The following MAP4 variants were observed in gnomAD, a reference collection of about 807,000 sequenced individuals.
MAP4 encodes the protein microtubule associated protein 4.
A neutral mutation model predicts 170.2 loss-of-function variants in MAP4; 76 were observed. The ratio of observed to expected loss-of-function variants is 0.45; its 90% CI spans 0.37 to 0.54. MAP4 has a LOEUF of 0.54. Among genes scored for constraint, MAP4 ranks in the 20% least tolerant of loss-of-function variants. The pLI is 0.00. For synonymous variants in MAP4, 909 were observed against 994.5 expected (o/e 0.91, Z 1.62); for missense variants, 2,506 against 2,748.0 (o/e 0.91, Z 1.97).
intron 1 of MAP4, among the ~76,000 whole-genome samples, chr3:48,028,352 A>C (rs1288023087): frequency 1.3e-5 from 2 of 152,204 alleles, no homozygotes; most frequent in African/African-American, 2.4e-5. Context: ...AAGCTATTTA[A>C]ATCAACATCA....
intron 2 of MAP4, chr3:47,987,579 T>C (rs530751149): frequency 2.0e-6 from 1 of 495,908 alleles, no homozygotes; most frequent in African/African-American, 1.9e-5. Flanking sequence ...AACTCCGGAC[T>C]CCTTATCTGT....
intron 17 of MAP4, among the ~76,000 whole-genome samples, chr3:47,859,779 G>T (rs950041943): frequency 6.6e-6 from 1 of 152,182 alleles, no homozygotes; most frequent in Non-Finnish European, 1.5e-5. Context: ...TCCCTAGATA[G>T]AAATTTTTTT....
intron 1 of MAP4, among the ~76,000 whole-genome samples, chr3:48,070,192 G>C (rs1276411358): frequency 6.6e-6 from 1 of 150,988 alleles, no homozygotes; most frequent in Non-Finnish European, 1.5e-5. Context: ...GGCCAGGATA[G>C]TCTCTTTTTT....
chr3:47,908,450 C>A (rs141414605), intron 9 of MAP4, among the ~76,000 whole-genome samples: 14 of 152,134 alleles, frequency 9.2e-5, no homozygotes, highest in African/African-American at 3.4e-4. Context: ...GTATCTGTAT[C>A]ATTGAGAGAT....
At position 47,851,076 on chromosome 3, in the gene MAP4, GTC is replaced by G. The variant is rs1269854988; in HGVS notation, c.*1856_*1857del. 1 of 152,278 alleles carries G rather than the reference GTC, an allele frequency of 6.6e-6. No individual in the cohort carries two copies. The highest frequency in any genetic ancestry group is 1.5e-5 in the Non-Finnish European group (1 of 68,112). 9.4% of individuals were successfully genotyped at this position (152,278 alleles called of 1,614,324 possible). ...GGGCCTGTGCTGTTGCCCCTGAGGTGTCTCCTGACTACGCAACCCTGTTTCCT... is the reference window on the plus strand; with the variant it reads ...GGGCCTGTGCTGTTGCCCCTGAGGTGTCCTGACTACGCAACCCTGTTTCCT... On this transcript the variant is annotated 3_prime_UTR_variant, in exon 21 of 21. Coordinates refer to ENST00000683076, the MANE Select transcript of MAP4 (RefSeq NM_001385682.1).
chr3:47,912,354 C>T lies in MAP4; in HGVS notation c.2067G>A (p.Arg689=). 6.5e-7 allele frequency: 1 copy of T among 1,535,512 alleles called. No individual in the cohort carries two copies. Among genetic ancestry groups the T allele is most frequent in the Non-Finnish European group, 8.7e-7 (1 of 1,146,454 alleles). The part of the protein sequence containing the change: ...AKQVCRPSDR[R]STRPKPARVP... ...CCCTGGCAGGCTTGGGCCGGGTTGA[C>T]CTGCGGTCACTGGGTCTGCAAACTT... The change falls in exon 9 of 21, where the codon AGG becomes AGA. Residue 689 remains arginine (R), a synonymous_variant. Coordinates refer to ENST00000683076, the MANE Select transcript of MAP4 (RefSeq NM_001385682.1).
chr3:47,874,925 G>C (rs2094786101), intron 12 of MAP4, among the ~76,000 whole-genome samples: 1 of 150,948 alleles, frequency 6.6e-6, no homozygotes, highest in Admixed American at 6.6e-5. Context: ...CTGACCTAAA[G>C]GCCCTTCTCA....
intron 3 of MAP4, among the ~76,000 whole-genome samples, chr3:47,952,392 A>G (rs2100064896): frequency 1.3e-5 from 2 of 152,200 alleles, no homozygotes; most frequent in Non-Finnish European, 2.9e-5. Context: ...AGGTGTACCC[A>G]ACAGCTCATT....
At chr3:48,082,660 T>C (rs2100147179) in intron 1 of MAP4, among the ~76,000 whole-genome samples, 1 of 151,928 alleles carries the variant, frequency 6.6e-6, no homozygotes, top group South Asian at 2.1e-4. Context: ...AAATTAGGTG[T>C]GGTGGCACGT....
chr3:48,087,815 G>A (rs751215556), intron 1 of MAP4, among the ~76,000 whole-genome samples: 6 of 152,056 alleles, frequency 3.9e-5, no homozygotes, highest in Non-Finnish European at 4.4e-5. Flanking sequence ...ACCAGGGAGA[G>A]AGAATCGAGA....
intron 19 of MAP4, among the ~76,000 whole-genome samples, chr3:47,854,862 T>C (rs1042098314): frequency 1.3e-5 from 2 of 152,178 alleles, no homozygotes; most frequent in Non-Finnish European, 2.9e-5. Flanking sequence ...GAGCCTGACA[T>C]GGGGCGGGAA....
upstream of MAP4, among the ~76,000 whole-genome samples, chr3:48,020,868 T>C (rs1270411420): frequency 1.3e-5 from 2 of 151,570 alleles, no homozygotes; most frequent in Non-Finnish European, 2.9e-5. Flanking sequence ...GTGTGCTCAT[T>C]GTACACTACA....
At chr3:47,945,735 T>C (rs1332011613) in intron 3 of MAP4, among the ~76,000 whole-genome samples, 1 of 151,912 alleles carries the variant, frequency 6.6e-6, no homozygotes, top group African/African-American at 2.4e-5. Context: ...TTTTATTTTT[T>C]TGGAGGCAGG....
intron 4 of MAP4, among the ~76,000 whole-genome samples, chr3:47,925,708 G>A (rs958059632): frequency 6.6e-6 from 1 of 152,166 alleles, no homozygotes; most frequent in Non-Finnish European, 1.5e-5. Context: ...ATTGGTAGTT[G>A]CTTAGGGTTG....
chr3:47,947,550 T>C (rs552184381), intron 3 of MAP4, among the ~76,000 whole-genome samples: 1 of 152,246 alleles, frequency 6.6e-6, no homozygotes, highest in Non-Finnish European at 1.5e-5. Flanking sequence ...TGGTGGCTCA[T>C]GCCTGTAATC....
chr3:47,960,964 G>A (rs1018883041), intron 3 of MAP4: 5 of 161,632 alleles, frequency 3.1e-5, no homozygotes, highest in Non-Finnish European at 7.0e-5. Flanking sequence ...CCATCATAGA[G>A]GAGATGGTGT....
At chr3:47,958,054 G>C (rs77911616) in intron 3 of MAP4, among the ~76,000 whole-genome samples, 1 of 152,292 alleles carries the variant, frequency 6.6e-6, no homozygotes, top group South Asian at 2.1e-4. Flanking sequence ...CTGCCACTTG[G>C]CTACTTGGGA....
chr3:47,935,440 T>C (rs2100052156), intron 3 of MAP4, among the ~76,000 whole-genome samples: 2 of 152,156 alleles, frequency 1.3e-5, no homozygotes, highest in Non-Finnish European at 2.9e-5. Flanking sequence ...AGCTAGAGTT[T>C]CAAAGGCCAA....
At chr3:47,973,252 G>C (rs1293333402) in intron 3 of MAP4, 1 of 980,150 alleles carries the variant, frequency 1.0e-6, no homozygotes, top group African/African-American at 1.9e-5. Context: ...TTCAACATTG[G>C]GCCAAAAAAG....
Sources: gnomAD v4.1 joint callset for allele counts (sites outside exome capture counted in the v4.1 genomes callset) on GRCh38, gnomAD v4.1.1 for gene constraint, MANE v1.5 for transcripts, NCBI Gene and HGNC (gene_info 2026-07-23, HGNC 2026-07-21) for gene names.